Variants in ZNF83 observed in about 807,000 individuals in gnomAD.
The protein encoded by ZNF83 is zinc finger protein 83, also known as zinc finger protein 816B.
For synonymous variants in ZNF83, 209 were observed against 213.0 expected, an observed-to-expected ratio of 0.98 and a Z score of 0.17; for missense variants, 552 against 629.9, an observed-to-expected ratio of 0.88 and a Z score of 1.32.
intron 3 of ZNF83, among the ~76,000 whole-genome samples, chr19:52,653,749 G>A (rs770442052): frequency 6.6e-6 from 1 of 152,196 alleles, no homozygotes; most frequent in Non-Finnish European, 1.5e-5. Context: ...TTTTTCTCCA[G>A]TATGAACTCT....
rs963650555 is a variant in ZNF83 at position 52,680,821 on chromosome 19, C to T, written c.-283+9622G>A. Among the ~76,000 whole-genome samples, 10 of 150,096 alleles carry T rather than the reference C, an allele frequency of 6.7e-5. No individual in the cohort carries two copies. The East Asian group carries it at 2.0e-3, about 30-fold the overall frequency. ...TAGAGACGGGGTTTCACCGTGTTAG[C>T]CAGGATGGTCTCGATCTCCTGACCT... On this transcript the variant is annotated intron_variant, in intron 1 of 5. Transcript: ENST00000594682.
chr19:52,614,903 G>T, intron 2 of ZNF83, 106 bp from the exon 3 acceptor site: 1 of 1,073,936 alleles, frequency 9.3e-7, no homozygotes, highest in African/African-American at 1.6e-5. Flanking sequence ...TTATGTTAAA[G>T]AAAGTTATAA....
intron 2 of ZNF83, among the ~76,000 whole-genome samples, chr19:52,616,355 C>A (rs1279766301): frequency 2.0e-5 from 3 of 152,044 alleles, no homozygotes; most frequent in African/African-American, 7.2e-5. Flanking sequence ...CAGTATTGAC[C>A]CAGCAATCCC....
upstream of ZNF83, among the ~76,000 whole-genome samples, chr19:52,641,506 T>C (rs2061304975): frequency 6.6e-6 from 1 of 152,222 alleles, no homozygotes; most frequent in Admixed American, 6.5e-5. Flanking sequence ...AGCATTTCCC[T>C]ATGTTGAATA....
chr19:52,637,860 G>T (rs410857), intron 1 of ZNF83, among the ~76,000 whole-genome samples: 77,481 of 151,676 alleles, frequency 0.51, 20,666 homozygotes, highest in East Asian at 0.69. Flanking sequence ...GGAGGGAGGT[G>T]GGGGGGAGAC....
chr19:52,660,087 A>C (rs1304826607), intron 2 of ZNF83, among the ~76,000 whole-genome samples: 3 of 152,118 alleles, frequency 2.0e-5, no homozygotes, highest in African/African-American at 7.2e-5. Context: ...GCTACTCAGG[A>C]GGCTGAGGCA....
chr19:52,681,274 C>A (rs1744234407), intron 1 of ZNF83, among the ~76,000 whole-genome samples: 1 of 45,212 alleles, frequency 2.2e-5, no homozygotes, highest in Non-Finnish European at 4.3e-5. Context: ...CAGAGTGAGA[C>A]TTTCTCAAAA....
upstream of ZNF83, among the ~76,000 whole-genome samples, chr19:52,640,326 TCA>T (rs1278713343): frequency 6.6e-6 from 1 of 152,156 alleles, no homozygotes; most frequent in Non-Finnish European, 1.5e-5. Flanking sequence ...CGTTAAGGTT[TCA>T]CACACAGGGA....
At chr19:52,653,865 G>A (rs1459634234) in intron 3 of ZNF83, among the ~76,000 whole-genome samples, 2 of 152,112 alleles carry the variant, frequency 1.3e-5, no homozygotes, top group African/African-American at 4.8e-5. Flanking sequence ...TTAAATGTGA[G>A]CTATAATTAA....
exon 3 of ZNF83, chr19:52,612,588 G>C (rs909953240): frequency 2.4e-5 from 4 of 166,958 alleles, no homozygotes; most frequent in African/African-American, 9.6e-5. Context: ...ACTTTGGCCT[G>C]CGGAAAATCT....
chr19:52,680,051 T>C (rs1429935555), intron 1 of ZNF83, among the ~76,000 whole-genome samples: 2 of 152,086 alleles, frequency 1.3e-5, no homozygotes, highest in South Asian at 2.1e-4. Flanking sequence ...TAGTGGCACA[T>C]GCTGGTAATC....
At chr19:52,639,413 C>CTTTTTTTTTTTTTTTTTTT (rs1206783591), upstream of ZNF83, among the ~76,000 whole-genome samples, 1 of 53,882 alleles carries the variant, frequency 1.9e-5, no homozygotes, top group Admixed American at 2.6e-4. Flanking sequence ...TTAGTTTTTT[C>CTTTTTTTTTTTTTTTTTTT]TATTTTTTTT....
At chr19:52,681,251 C>T (rs559218455) in intron 1 of ZNF83, among the ~76,000 whole-genome samples, 4 of 128,112 alleles carry the variant, frequency 3.1e-5, no homozygotes, top group Non-Finnish European at 6.3e-5. Context: ...CCACTGCACT[C>T]CAGCCTGGGT....
At chr19:52,613,001 A>C in exon 3 of ZNF83, 4 of 1,562,944 alleles carry the variant, frequency 2.6e-6, no homozygotes, top group Non-Finnish European at 2.6e-6. Context: ...TGCTAACTGA[A>C]CACTCTGCCA....
chr19:52,674,976 C>T (rs1327810076), intron 1 of ZNF83, among the ~76,000 whole-genome samples: 1 of 152,212 alleles, frequency 6.6e-6, no homozygotes, highest in African/African-American at 2.4e-5. Flanking sequence ...CCACCTTGGG[C>T]TCCCAAAGTG....
intron 3 of ZNF83, among the ~76,000 whole-genome samples, chr19:52,643,916 C>A (rs1393530891): frequency 2.0e-5 from 3 of 152,114 alleles, no homozygotes; most frequent in African/African-American, 4.8e-5. Flanking sequence ...AGAAAAGCAA[C>A]TGTGACTGGG....
intron 1 of ZNF83, among the ~76,000 whole-genome samples, chr19:52,686,948 G>A (rs2062026851): frequency 1.3e-5 from 2 of 151,860 alleles, no homozygotes; most frequent in Non-Finnish European, 2.9e-5. Context: ...TTGGGAGATC[G>A]AGGTGAGCAG....
At chr19:52,686,550 G>C (rs2147373755) in intron 1 of ZNF83, among the ~76,000 whole-genome samples, 1 of 150,986 alleles carries the variant, frequency 6.6e-6, no homozygotes, top group East Asian at 1.9e-4. Flanking sequence ...AAGCACTTTT[G>C]ATACCCCTTT....
intron 2 of ZNF83, among the ~76,000 whole-genome samples, chr19:52,621,087 G>A (rs895444275): frequency 1.3e-5 from 2 of 152,250 alleles, no homozygotes; most frequent in Admixed American, 6.5e-5. Flanking sequence ...CTGTTTGGTG[G>A]TCTCTTCACA....
Sources: allele counts gnomAD v4.1 joint callset (sites outside exome capture counted in the v4.1 genomes callset), GRCh38; gene constraint gnomAD v4.1.1; transcripts MANE v1.5; gene names NCBI Gene and HGNC (gene_info 2026-07-23, HGNC 2026-07-21).